Variants in FGF12 observed in about 807,000 individuals in gnomAD.
FGF12 encodes fibroblast growth factor 12B.
Under a neutral mutation model 23.6 loss-of-function variants are expected in FGF12, and 14 were observed. The observed-to-expected ratio is 0.59, with a 90% CI of 0.39 to 0.93. The LOEUF (loss-of-function observed/expected upper bound fraction) is 0.93, where lower values mean the gene tolerates loss of function less well. Ranked by LOEUF, FGF12 falls within the 40% of genes least tolerant of loss-of-function variation. The pLI, the probability that FGF12 is intolerant of heterozygous loss-of-function variation, is 0.00. For synonymous variants in FGF12, 62 were observed against 77.3 expected (o/e 0.80, Z 1.04); for missense variants, 175 against 217.8 (o/e 0.80, Z 1.24).
In FGF12 at chr3:192,666,863, A is replaced by C. The variant is rs183123730; in HGVS notation, c.13+60318T>G. Among the ~76,000 whole-genome samples, 5 of 152,162 alleles carry C rather than the reference A, an allele frequency of 3.3e-5. No homozygotes were observed. In the South Asian group the frequency reaches 1.0e-3, roughly 31 times the overall value. ...GTGCCAACAATATGATTGACACTAC[A>C]TTAGAGATTAAAGAATACAATAGTT... On this transcript the variant is annotated intron_variant, in intron 2 of 5. Coordinates refer to ENST00000445105, the MANE Select transcript of FGF12 (RefSeq NM_004113.6).
chr3:192,378,030 CTT>C (rs1366066122), intron 2 of FGF12, among the ~76,000 whole-genome samples: 4,891 of 59,474 alleles, frequency 0.082, 441 homozygotes, highest in African/African-American at 0.11. Flanking sequence ...TCTTTCTTTT[CTT>C]TCTTTCTTTC....
At chr3:192,592,573 C>T (rs1283628443) in intron 2 of FGF12, among the ~76,000 whole-genome samples, 1 of 151,846 alleles carries the variant, frequency 6.6e-6, no homozygotes, top group Non-Finnish European at 1.5e-5. Context: ...CACTCTTGTC[C>T]ATCTTCCCAA....
chr3:192,554,690 A>G (rs1305684021), intron 2 of FGF12, among the ~76,000 whole-genome samples: 3 of 152,184 alleles, frequency 2.0e-5, no homozygotes, highest in East Asian at 3.8e-4. Context: ...AATAAAAGGA[A>G]CAAAATAAAT....
At chr3:192,224,935 G>A in intron 4 of FGF12, among the ~76,000 whole-genome samples, 1 of 152,030 alleles carries the variant, frequency 6.6e-6, no homozygotes, top group East Asian at 1.9e-4. Context: ...AGAAATTCCT[G>A]ATACCATACC....
intron 2 of FGF12, among the ~76,000 whole-genome samples, chr3:192,511,253 A>ACACACACCCC (rs1211816814): frequency 4.9e-5 from 7 of 143,082 alleles, no homozygotes; most frequent in African/African-American, 1.8e-4. Flanking sequence ...ACACACACAC[A>ACACACACCCC]CCTGCTACTA....
chr3:192,576,799 A>G (rs1458926272), intron 2 of FGF12, among the ~76,000 whole-genome samples: 1 of 152,192 alleles, frequency 6.6e-6, no homozygotes, highest in Middle Eastern at 3.2e-3. Flanking sequence ...AAGACTTGGA[A>G]CCAACCCAAA....
At chr3:192,319,051 A>C (rs1318982778) in intron 4 of FGF12, among the ~76,000 whole-genome samples, 1 of 152,182 alleles carries the variant, frequency 6.6e-6, no homozygotes, top group Non-Finnish European at 1.5e-5. Context: ...GGAAGGAAAA[A>C]TGAAGACCTT....
chr3:192,252,849 G>A (rs1438908479), intron 4 of FGF12, among the ~76,000 whole-genome samples: 1 of 151,972 alleles, frequency 6.6e-6, no homozygotes, highest in African/African-American at 2.4e-5. Context: ...ATAATAAAAA[G>A]CATTATATCA....
chr3:192,505,741 A>C (rs1724271127), intron 2 of FGF12, among the ~76,000 whole-genome samples: 1 of 152,212 alleles, frequency 6.6e-6, no homozygotes, highest in Non-Finnish European at 1.5e-5. Flanking sequence ...AATTCCCTAA[A>C]GGTAACTGCG....
chr3:192,194,155 G>T (rs1320915323), intron 4 of FGF12, among the ~76,000 whole-genome samples: 2 of 152,106 alleles, frequency 1.3e-5, no homozygotes, highest in African/African-American at 4.8e-5. Context: ...TTTATATAAA[G>T]CAGAAATCCA....
At chr3:192,555,376 A>C (rs1326446603) in intron 2 of FGF12, among the ~76,000 whole-genome samples, 1 of 152,204 alleles carries the variant, frequency 6.6e-6, no homozygotes, top group East Asian at 1.9e-4. Flanking sequence ...AGAAAATCAG[A>C]GAATAGTATG....
At chr3:192,259,812 A>T (rs888276023) in intron 4 of FGF12, among the ~76,000 whole-genome samples, 84 of 152,126 alleles carry the variant, frequency 5.5e-4, no homozygotes, top group Admixed American at 2.0e-4. Context: ...AGTTTGCTGA[A>T]GCATAGGATG....
chr3:192,396,013 C>T (rs1410610201), intron 2 of FGF12, among the ~76,000 whole-genome samples: 1 of 152,154 alleles, frequency 6.6e-6, no homozygotes, highest in Non-Finnish European at 1.5e-5. Flanking sequence ...GAGAAAGAAC[C>T]TTGATTGTGG....
Position 192,141,288 on chromosome 3 carries a change from T to C in FGF12, c.*2721A>G, listed in dbSNP as rs1432691560. The C allele has an allele frequency of 6.6e-6, 1 of 151,888 alleles. No individual in the cohort carries two copies. The highest frequency in any genetic ancestry group is 1.5e-5 in the Non-Finnish European group (1 of 67,838). 9.4% of individuals were successfully genotyped at this position (151,888 alleles called of 1,614,324 possible). A position where few individuals can be genotyped will look rare whatever the true frequency, so the allele number is the denominator to read the frequency against. ...ACTTAAACTCAACCATATTTTTGGA[T>C]GAAGTTGGATATTATATGTTTACAC... On this transcript the variant is annotated 3_prime_UTR_variant, in exon 6 of 6. Coordinates refer to ENST00000445105, the MANE Select transcript of FGF12 (RefSeq NM_004113.6).
chr3:192,158,128 C>A (rs947423491), intron 5 of FGF12, among the ~76,000 whole-genome samples: 1 of 152,098 alleles, frequency 6.6e-6, no homozygotes, highest in African/African-American at 2.4e-5. Context: ...TAAGTCAAAA[C>A]CTTGACCCCA....
intron 2 of FGF12, among the ~76,000 whole-genome samples, chr3:192,570,437 AAG>A (rs10549426): frequency 0.62 from 93,764 of 151,858 alleles, 29,564 homozygotes; most frequent in African/African-American, 0.73. Context: ...AAGAGAAAAA[AAG>A]AGACAGGCTG....
At chr3:192,253,459 A>G (rs1712169259) in intron 4 of FGF12, among the ~76,000 whole-genome samples, 1 of 152,144 alleles carries the variant, frequency 6.6e-6, no homozygotes, top group Non-Finnish European at 1.5e-5. Flanking sequence ...AAAGTAAGAA[A>G]GAATGAAAAA....
At chr3:192,670,014 T>C (rs1414879303) in intron 2 of FGF12, among the ~76,000 whole-genome samples, 1 of 152,232 alleles carries the variant, frequency 6.6e-6, no homozygotes, top group African/African-American at 2.4e-5. Context: ...TGAGTTTTGA[T>C]GTAGTGTTAA....
chr3:192,393,017 A>G (rs1158128784), intron 2 of FGF12, among the ~76,000 whole-genome samples: 2 of 152,186 alleles, frequency 1.3e-5, no homozygotes, highest in African/African-American at 4.8e-5. Flanking sequence ...AAATTTCCCG[A>G]AGGTTCATAG....
Sources: gnomAD v4.1 joint callset for allele counts (sites outside exome capture counted in the v4.1 genomes callset) on GRCh38, gnomAD v4.1.1 for gene constraint, MANE v1.5 for transcripts, NCBI Gene and HGNC (gene_info 2026-07-23, HGNC 2026-07-21) for gene names.